Variants in PDE4B observed in about 807,000 individuals in gnomAD.
The protein encoded by PDE4B is 3',5'-cyclic-AMP phosphodiesterase 4B.
A neutral mutation model predicts 82.2 loss-of-function variants in PDE4B; 20 were observed. The ratio of observed to expected loss-of-function variants is 0.24; its 90% CI spans 0.17 to 0.35. PDE4B has a LOEUF of 0.35. Among genes scored for constraint, PDE4B ranks in the 10% least tolerant of loss-of-function variants. The pLI is 1.00. For missense variants in PDE4B, 655 were observed against 907.2 expected, an observed-to-expected ratio of 0.72 and a Z score of 3.57; for synonymous variants, 320 against 318.9, an observed-to-expected ratio of 1.00 and a Z score of -0.04.
At chr1:65,940,876 A>T (rs1557446888) in intron 3 of PDE4B, among the ~76,000 whole-genome samples, 1 of 152,106 alleles carries the variant, frequency 6.6e-6, no homozygotes, top group African/African-American at 2.4e-5. Flanking sequence ...ATATAGTATT[A>T]ATACTTTAAT....
intron 3 of PDE4B, among the ~76,000 whole-genome samples, chr1:65,982,525 G>A (rs1650741648): frequency 6.6e-6 from 1 of 152,162 alleles, no homozygotes; most frequent in South Asian, 2.1e-4. Flanking sequence ...ACAAAGAGAA[G>A]CATGTGACTC....
At chr1:66,001,898 T>C (rs965532355) in intron 3 of PDE4B, among the ~76,000 whole-genome samples, 12 of 152,046 alleles carry the variant, frequency 7.9e-5, no homozygotes, top group African/African-American at 2.2e-4. Flanking sequence ...CATTTTTGTA[T>C]TTTTTGTAGA....
At chr1:65,941,879 C>T (rs562399315) in intron 3 of PDE4B, among the ~76,000 whole-genome samples, 13 of 151,872 alleles carry the variant, frequency 8.6e-5, no homozygotes, top group African/African-American at 2.9e-4. Context: ...ATTCTTTGAC[C>T]GACATTGCCT....
chr1:66,191,658 C>T (rs1647819580), intron 3 of PDE4B, among the ~76,000 whole-genome samples: 1 of 151,994 alleles, frequency 6.6e-6, no homozygotes, highest in African/African-American at 2.4e-5. Flanking sequence ...AGAGCGTTAC[C>T]TAGATAATTG....
chr1:66,201,568 T>C (rs1648954724), intron 3 of PDE4B, among the ~76,000 whole-genome samples: 2 of 149,782 alleles, frequency 1.3e-5, no homozygotes, highest in African/African-American at 2.5e-5. Context: ...CTTTGTTTAG[T>C]CTTGGGAGGG....
rs71058452 is a variant in PDE4B at position 66,131,592 on chromosome 1, GATATATATATATATATATATATATATAT to G, written c.282-115849_282-115822del. On this transcript the variant is annotated intron_variant, in intron 3 of 16. Transcript: ENST00000341517. ...TATTTTCAATATTTTCTGAATGCCA[GATATATATATATATATATATATATATAT>G]ATATATATATATATATATTACTAAC... 3.5e-3 allele frequency among the ~76,000 whole-genome samples: 114 copies of G among 32,868 alleles called. 4 individuals are homozygous for G. Among genetic ancestry groups the G allele is most frequent in the South Asian group, 0.023 (12 of 514 alleles). The allele number at this position is 32,868 out of a possible 152,430, so 21.6% of individuals were successfully genotyped here. A position where few individuals can be genotyped will look rare whatever the true frequency, so the allele number is the denominator to read the frequency against.
At chr1:65,873,284 T>C (rs1303608220) in intron 1 of PDE4B, among the ~76,000 whole-genome samples, 1 of 152,142 alleles carries the variant, frequency 6.6e-6, no homozygotes. Context: ...AAGCACAAGA[T>C]AGAACTCGGG....
intron 3 of PDE4B, among the ~76,000 whole-genome samples, chr1:66,009,028 C>T (rs1362361549): frequency 6.6e-6 from 1 of 152,162 alleles, no homozygotes; most frequent in East Asian, 1.9e-4. Context: ...CTATGTCTCT[C>T]TCCAGCAGCC....
chr1:66,276,529 AT>A (rs2101765346), intron 7 of PDE4B, among the ~76,000 whole-genome samples: 1 of 152,348 alleles, frequency 6.6e-6, no homozygotes, highest in South Asian at 2.1e-4. Flanking sequence ...CTTAATAATT[AT>A]TACATACTAG....
At chr1:66,247,754 G>A in intron 4 of PDE4B, 100 bp downstream of exon 4, 4 of 877,646 alleles carry the variant, frequency 4.6e-6, no homozygotes, top group Non-Finnish European at 6.8e-6. Flanking sequence ...CTATGGTAAG[G>A]ATGAAGGAAG....
At chr1:66,215,733 A>T (rs1557639755) in intron 3 of PDE4B, among the ~76,000 whole-genome samples, 1 of 151,986 alleles carries the variant, frequency 6.6e-6, no homozygotes, top group Non-Finnish European at 1.5e-5. Flanking sequence ...GCCAGGGAGA[A>T]CTCTTCTGGA....
chr1:65,992,935 TTA>T, intron 3 of PDE4B: 1 of 1,613,846 alleles, frequency 6.2e-7, no homozygotes, highest in Non-Finnish European at 8.5e-7. Context: ...TCAAAGGAAC[TTA>T]CTGCTTCTGA....
At chr1:66,334,460 T>C (rs1457351874) in intron 8 of PDE4B, among the ~76,000 whole-genome samples, 1 of 152,234 alleles carries the variant, frequency 6.6e-6, no homozygotes, top group Non-Finnish European at 1.5e-5. Flanking sequence ...CCAGGCACTC[T>C]GTAGACACGG....
chr1:66,205,443 C>T (rs2101554923), intron 3 of PDE4B, among the ~76,000 whole-genome samples: 1 of 152,202 alleles, frequency 6.6e-6, no homozygotes, highest in African/African-American at 2.4e-5. Flanking sequence ...TAAGGTAATT[C>T]TGTTTGTAAT....
chr1:66,163,338 A>C (rs2101276733), intron 3 of PDE4B, among the ~76,000 whole-genome samples: 1 of 152,330 alleles, frequency 6.6e-6, no homozygotes, highest in Non-Finnish European at 1.5e-5. Context: ...TATTAAATGA[A>C]GATAAGGGTA....
At chr1:66,019,356 C>CTTTTT (rs4071540) in intron 3 of PDE4B, among the ~76,000 whole-genome samples, 5 of 124,772 alleles carry the variant, frequency 4.0e-5, no homozygotes, top group Admixed American at 9.3e-5. Context: ...TATTGTTATT[C>CTTTTT]TTTTTTTTTT....
At chr1:65,966,014 T>G (rs1299590750) in intron 3 of PDE4B, among the ~76,000 whole-genome samples, 1 of 152,094 alleles carries the variant, frequency 6.6e-6, no homozygotes, top group Non-Finnish European at 1.5e-5. Flanking sequence ...CTCTCACCAC[T>G]CTTATTCAAC....
At chr1:66,123,571 TC>T (rs1360208890) in intron 3 of PDE4B, among the ~76,000 whole-genome samples, 2 of 151,210 alleles carry the variant, frequency 1.3e-5, no homozygotes, top group Non-Finnish European at 3.0e-5. Context: ...CCTCTCTTAT[TC>T]TTTTATTTGT....
chr1:66,359,745 G>A (rs1662599040), intron 9 of PDE4B, among the ~76,000 whole-genome samples: 1 of 152,298 alleles, frequency 6.6e-6, no homozygotes, highest in East Asian at 1.9e-4. Context: ...CCCTATGGTA[G>A]CCTTTCATTT....
Sources: gnomAD v4.1 joint callset for allele counts (sites outside exome capture counted in the v4.1 genomes callset) on GRCh38, gnomAD v4.1.1 for gene constraint, MANE v1.5 for transcripts, NCBI Gene and HGNC (gene_info 2026-07-23, HGNC 2026-07-21) for gene names.